The following TMEM150C variants were observed in gnomAD, a reference collection of about 807,000 sequenced individuals.
The protein encoded by TMEM150C is tentonin 3.
TMEM150C carries 10 observed loss-of-function variants against 29.9 expected under a neutral mutation model. That is an observed-to-expected ratio of 0.33 (90% CI 0.21 to 0.57). The LOEUF (loss-of-function observed/expected upper bound fraction) is 0.57, where lower values mean the gene tolerates loss of function less well. Among genes scored for constraint, TMEM150C ranks in the 20% least tolerant of loss-of-function variants. TMEM150C has a pLI of 0.88. For missense variants in TMEM150C, 251 were observed against 303.6 expected (o/e 0.83, Z 1.29); for synonymous variants, 101 against 112.5 (o/e 0.90, Z 0.64).
chr4:82,544,628 A>G (rs1400310838), intron 1 of TMEM150C, among the ~76,000 whole-genome samples: 1 of 152,122 alleles, frequency 6.6e-6, no homozygotes, highest in Non-Finnish European at 1.5e-5. Flanking sequence ...AAAATACAAA[A>G]ATTAGCCAAG....
Position 82,485,319 on chromosome 4 carries a change from C to T in TMEM150C, c.*192G>A, listed in dbSNP as rs1415170818. 8.6e-6 allele frequency: 5 copies of T among 583,910 alleles called. No individual in the cohort carries two copies. The highest frequency in any genetic ancestry group is 2.9e-5 in the East Asian group (1 of 34,910). 36.2% of individuals were successfully genotyped at this position (583,910 alleles called of 1,614,324 possible). On this transcript the variant is annotated 3_prime_UTR_variant, in exon 8 of 8. Coordinates refer to ENST00000449862, the MANE Select transcript of TMEM150C (RefSeq NM_001080506.3). ...ATTTTCAGTGTAACAGCGTGTATTT[C>T]GACACATAAGGGCTTGTGCTTTTTC...
At chr4:82,539,179 A>C (rs1016225940) in intron 1 of TMEM150C, among the ~76,000 whole-genome samples, 8 of 152,196 alleles carry the variant, frequency 5.3e-5, no homozygotes, top group African/African-American at 1.7e-4. Context: ...TCTCTTTTTC[A>C]AACTCTTTTT....
chr4:82,507,721 CTCTCTCTTTTTTTTTTTTTTTTTTTT>C (rs1318697929), intron 1 of TMEM150C, among the ~76,000 whole-genome samples: 33 of 59,984 alleles, frequency 5.5e-4, no homozygotes, highest in African/African-American at 3.3e-3. Context: ...CTCTCTCTCT[CTCTCTCTTTTTTTTTTTTTTTTTTTT>C]TTTTTTTTTT....
chr4:82,505,436 G>A (rs982295509), intron 1 of TMEM150C, among the ~76,000 whole-genome samples: 1 of 152,130 alleles, frequency 6.6e-6, no homozygotes, highest in Non-Finnish European at 1.5e-5. Flanking sequence ...TAGGACTTTC[G>A]CTAGAAGAGC....
At chr4:82,507,800 TG>T (rs1290968471) in intron 1 of TMEM150C, among the ~76,000 whole-genome samples, 1 of 135,682 alleles carries the variant, frequency 7.4e-6, no homozygotes, top group Non-Finnish European at 1.5e-5. Context: ...CCAGGCTGGA[TG>T]GGGTGCAGTG....
At chr4:82,517,061 C>T (rs553599408) in intron 1 of TMEM150C, among the ~76,000 whole-genome samples, 17 of 152,314 alleles carry the variant, frequency 1.1e-4, no homozygotes, top group Admixed American at 7.2e-4. Flanking sequence ...CTGCCTGATG[C>T]CTGTCCTTCC....
intron 1 of TMEM150C, among the ~76,000 whole-genome samples, chr4:82,557,727 T>C (rs1725777845): frequency 6.9e-6 from 1 of 143,924 alleles, no homozygotes; most frequent in African/African-American, 2.8e-5. Flanking sequence ...GTTTTTCTTT[T>C]CTTTTTCTTT....
At chr4:82,512,642 T>C (rs544755272) in intron 1 of TMEM150C, among the ~76,000 whole-genome samples, 11 of 152,282 alleles carry the variant, frequency 7.2e-5, no homozygotes, top group Admixed American at 2.6e-4. Context: ...TAGCAGCCAA[T>C]TGTCACATGT....
chr4:82,504,345 A>G (rs1723832100), intron 2 of TMEM150C, among the ~76,000 whole-genome samples: 1 of 152,092 alleles, frequency 6.6e-6, no homozygotes, highest in Non-Finnish European at 1.5e-5. Flanking sequence ...CTGGGATTAC[A>G]GGCGTGTGCC....
intron 6 of TMEM150C, chr4:82,491,130 T>G (rs1723330442): frequency 1.4e-6 from 1 of 701,836 alleles, no homozygotes; most frequent in African/African-American, 1.7e-5. Flanking sequence ...GACAGCTAGC[T>G]CGATGGGATC....
intron 1 of TMEM150C, among the ~76,000 whole-genome samples, chr4:82,532,305 T>C (rs1420133466): frequency 6.6e-6 from 1 of 152,070 alleles, no homozygotes; most frequent in Admixed American, 6.5e-5. Context: ...GCCCAGGCTA[T>C]ATTCAGGGAT....
chr4:82,488,369 T>C (rs956635171), intron 7 of TMEM150C, among the ~76,000 whole-genome samples: 1 of 152,348 alleles, frequency 6.6e-6, no homozygotes, highest in East Asian at 1.9e-4. Context: ...ATCTGTGTGA[T>C]CTTGCGCAAA....
At chr4:82,512,473 G>A (rs186045873) in intron 1 of TMEM150C, among the ~76,000 whole-genome samples, 24 of 152,268 alleles carry the variant, frequency 1.6e-4, no homozygotes, top group Admixed American at 7.2e-4. Context: ...ATTATAATTC[G>A]GTAAGCGGCT....
intron 2 of TMEM150C, 90 bp from the exon 3 acceptor site, chr4:82,503,202 A>C: frequency 1.1e-6 from 1 of 899,468 alleles, no homozygotes; most frequent in South Asian, 1.6e-5. Flanking sequence ...GCACTAATTC[A>C]TATTCATTTT....
intron 1 of TMEM150C, among the ~76,000 whole-genome samples, chr4:82,520,449 C>T (rs1405835076): frequency 2.0e-5 from 3 of 152,170 alleles, no homozygotes; most frequent in Admixed American, 6.5e-5. Flanking sequence ...GCCTTGAGAT[C>T]GTCTTAGACA....
At chr4:82,551,725 G>A (rs1252331443) in intron 1 of TMEM150C, among the ~76,000 whole-genome samples, 2 of 152,158 alleles carry the variant, frequency 1.3e-5, no homozygotes, top group African/African-American at 4.8e-5. Context: ...TGCCCCTCAT[G>A]TTCTTATGGT....
At chr4:82,545,303 T>C (rs1725338246) in intron 1 of TMEM150C, among the ~76,000 whole-genome samples, 1 of 152,206 alleles carries the variant, frequency 6.6e-6, no homozygotes, top group South Asian at 2.1e-4. Context: ...AACCATATCA[T>C]CATCTCAATA....
chr4:82,497,157 C>CT (rs201883622), intron 5 of TMEM150C, among the ~76,000 whole-genome samples: 4 of 151,950 alleles, frequency 2.6e-5, no homozygotes, highest in South Asian at 4.2e-4. Flanking sequence ...TAAGGATGAC[C>CT]TTTTTTTTGC....
chr4:82,491,775 T>C (rs2110063240), intron 6 of TMEM150C: 3 of 335,640 alleles, frequency 8.9e-6, no homozygotes, highest in Middle Eastern at 9.2e-4. Context: ...GTGCTGAGAT[T>C]ACAGGCGTGA....
Sources: gnomAD v4.1 joint callset for allele counts (sites outside exome capture counted in the v4.1 genomes callset) on GRCh38, gnomAD v4.1.1 for gene constraint, MANE v1.5 for transcripts, NCBI Gene and HGNC (gene_info 2026-07-23, HGNC 2026-07-21) for gene names.